The following C12orf42 variants were observed in gnomAD, a reference collection of about 807,000 sequenced individuals.
C12orf42 encodes the protein uncharacterized protein C12orf42.
A neutral mutation model predicts 21.6 loss-of-function variants in C12orf42; 25 were observed. The ratio of observed to expected loss-of-function variants is 1.16; its 90% CI spans 0.84 to 1.62. C12orf42 has a LOEUF of 1.62. Ranked by LOEUF, C12orf42 falls within the 40% of genes most tolerant of loss-of-function variation. The probability of loss-of-function intolerance (pLI) is 0.00; values close to 1 mark genes in which losing one functional copy is unlikely to be tolerated. For missense variants in C12orf42, 483 were observed against 459.3 expected (o/e 1.05, Z -0.47); for synonymous variants, 174 against 175.0 (o/e 0.99, Z 0.05).
At chr12:103,399,445 T>G (rs2047805562) in intron 3 of C12orf42, among the ~76,000 whole-genome samples, 1 of 150,630 alleles carries the variant, frequency 6.6e-6, no homozygotes, top group Non-Finnish European at 1.5e-5. Context: ...CTTGGCTCAC[T>G]GCAACCTCCA....
the C12orf42 span, among the ~76,000 whole-genome samples, chr12:103,197,820 T>A: frequency 2.4e-4 from 37 of 152,302 alleles, no homozygotes; most frequent in African/African-American, 8.2e-4. Context: ...CTGGATGACT[T>A]CAGTGAGACA....
intron 2 of C12orf42, among the ~76,000 whole-genome samples, chr12:103,417,283 C>G (rs1446902834): frequency 6.6e-6 from 1 of 152,196 alleles, no homozygotes; most frequent in Non-Finnish European, 1.5e-5. Context: ...TCTTGTAGCA[C>G]TAACCAGTCT....
intron 4 of C12orf42, among the ~76,000 whole-genome samples, chr12:103,293,767 C>T (rs934305997): frequency 7.9e-5 from 12 of 152,220 alleles, no homozygotes; most frequent in South Asian, 2.1e-4. Context: ...TATATTACTA[C>T]GTCTTCATTG....
At chr12:103,310,737 G>A (rs955302870) in intron 4 of C12orf42, among the ~76,000 whole-genome samples, 3 of 152,150 alleles carry the variant, frequency 2.0e-5, no homozygotes, top group Non-Finnish European at 2.9e-5. Context: ...CCTCCAAAAC[G>A]TTAGGCTTTT....
At chr12:103,291,330 T>C (rs1207287000) in intron 4 of C12orf42, among the ~76,000 whole-genome samples, 23 of 152,166 alleles carry the variant, frequency 1.5e-4, no homozygotes, top group Admixed American at 1.4e-3. Context: ...ATAGAAGTAT[T>C]GGGAAAATTA....
the C12orf42 span, among the ~76,000 whole-genome samples, chr12:103,075,290 C>T: frequency 6.6e-6 from 1 of 151,852 alleles, no homozygotes. Flanking sequence ...AATATTTATT[C>T]CCTTTTTTTC....
At chr12:103,297,254 T>G (rs2037353898), downstream of C12orf42, among the ~76,000 whole-genome samples, 1 of 152,186 alleles carries the variant, frequency 6.6e-6, no homozygotes, top group Non-Finnish European at 1.5e-5. Context: ...GCTGTTTTGG[T>G]TACTGTAGCC....
chr12:103,164,156 A>G, the C12orf42 span, among the ~76,000 whole-genome samples: 1 of 152,202 alleles, frequency 6.6e-6, no homozygotes. Flanking sequence ...GACAATGAAC[A>G]CTAATGTATG....
chr12:103,052,218 T>C, the C12orf42 span, among the ~76,000 whole-genome samples: 1 of 152,166 alleles, frequency 6.6e-6, no homozygotes, highest in Non-Finnish European at 1.5e-5. Flanking sequence ...AGGAGTGAAT[T>C]TACTAAGTCA....
chr12:103,528,704 C>T, the C12orf42 span, among the ~76,000 whole-genome samples: 1 of 152,200 alleles, frequency 6.6e-6, no homozygotes, highest in Non-Finnish European at 1.5e-5. Flanking sequence ...AGAACTTTTC[C>T]AGACATCAAA....
the C12orf42 span, among the ~76,000 whole-genome samples, chr12:103,066,371 C>T: frequency 0.011 from 1,622 of 152,272 alleles, 12 homozygotes; most frequent in South Asian, 0.019. Flanking sequence ...CTCAAATGCC[C>T]GTGGTCTCCA....
chr12:103,483,256 G>A (rs567604223), intron 1 of C12orf42, among the ~76,000 whole-genome samples: 59 of 152,204 alleles, frequency 3.9e-4, no homozygotes, highest in African/African-American at 1.3e-3. Context: ...TGTAGCAAAC[G>A]TACCACTTGG....
chr12:103,367,998 A>G (rs754855146), intron 4 of C12orf42: 197 of 1,144,516 alleles, frequency 1.7e-4, no homozygotes, highest in Non-Finnish European at 2.1e-4. Flanking sequence ...TTCAAATGAA[A>G]ATGTAGCAGT....
the C12orf42 span, among the ~76,000 whole-genome samples, chr12:103,189,351 T>C: frequency 6.6e-6 from 1 of 152,192 alleles, no homozygotes; most frequent in Non-Finnish European, 1.5e-5. Context: ...TGGGCTTTCA[T>C]AAAAGAGACA....
intron 4 of C12orf42, among the ~76,000 whole-genome samples, chr12:103,294,416 A>C (rs2037024490): frequency 7.5e-6 from 1 of 133,786 alleles, no homozygotes; most frequent in African/African-American, 2.9e-5. Context: ...AAAGAAAGAG[A>C]GAAAGGAGAG....
chr12:103,490,984 C>T (rs1373041771), intron 1 of C12orf42, among the ~76,000 whole-genome samples: 1 of 152,000 alleles, frequency 6.6e-6, no homozygotes, highest in Non-Finnish European at 1.5e-5. Context: ...CATCTATATG[C>T]CTGCATAAAA....
the C12orf42 span, among the ~76,000 whole-genome samples, chr12:103,198,149 A>G: frequency 6.6e-6 from 1 of 152,328 alleles, no homozygotes; most frequent in Non-Finnish European, 1.5e-5. Context: ...CGGTGAAGCA[A>G]CAGGATCTGC....
At chr12:103,311,995 C>T (rs1180575984) in intron 4 of C12orf42, among the ~76,000 whole-genome samples, 1 of 152,184 alleles carries the variant, frequency 6.6e-6, no homozygotes, top group African/African-American at 2.4e-5. Context: ...AGTCTTTCTC[C>T]TCAGGTATCT....
chr12:103,491,398 TA>T (rs1443568910), intron 1 of C12orf42, among the ~76,000 whole-genome samples: 1 of 152,226 alleles, frequency 6.6e-6, no homozygotes, highest in Non-Finnish European at 1.5e-5. Flanking sequence ...CTTGGAATTG[TA>T]GATGTAGTAG....
Sources: gnomAD v4.1 joint callset for allele counts (sites outside exome capture counted in the v4.1 genomes callset) on GRCh38, gnomAD v4.1.1 for gene constraint, MANE v1.5 for transcripts, NCBI Gene and HGNC (gene_info 2026-07-23, HGNC 2026-07-21) for gene names.